The following RARB variants were observed in gnomAD, a reference collection of about 807,000 sequenced individuals.
RARB encodes retinoic acid receptor beta.
In RARB, 17 loss-of-function variants were observed where a neutral mutation model predicts 51.9. The ratio of observed to expected loss-of-function variants is 0.33; its 90% CI spans 0.22 to 0.49. RARB has a LOEUF of 0.49. RARB is among the 20% of genes least tolerant of loss of function. The pLI is 0.99. For synonymous variants in RARB, 215 were observed against 195.4 expected, an observed-to-expected ratio of 1.10 and a Z score of -0.84; for missense variants, 369 against 550.8, an observed-to-expected ratio of 0.67 and a Z score of 3.30.
At chr3:25,210,779 C>G (rs938563862) in intron 5 of RARB, among the ~76,000 whole-genome samples, 2 of 151,906 alleles carry the variant, frequency 1.3e-5, no homozygotes, top group African/African-American at 4.8e-5. Flanking sequence ...AAGTGAATCG[C>G]CCACCTCAGC....
At chr3:25,472,511 T>A (rs1202734122) in intron 2 of RARB, among the ~76,000 whole-genome samples, 1 of 152,214 alleles carries the variant, frequency 6.6e-6, no homozygotes, top group African/African-American at 2.4e-5. Flanking sequence ...AGGTTTTTTT[T>A]ATTTGATCCT....
intron 5 of RARB, among the ~76,000 whole-genome samples, chr3:25,337,056 A>C (rs577420274): frequency 1.2e-4 from 18 of 152,322 alleles, no homozygotes; most frequent in Non-Finnish European, 2.2e-4. Flanking sequence ...AGTAGAGCTA[A>C]ACTCCATTAG....
chr3:25,100,144 A>G (rs1425220829), intron 3 of RARB, among the ~76,000 whole-genome samples: 1 of 152,220 alleles, frequency 6.6e-6, no homozygotes, highest in African/African-American at 2.4e-5. Context: ...TGGCAAAGTG[A>G]TTATCACTTT....
chr3:24,870,468 T>C (rs931647116), intron 2 of RARB, among the ~76,000 whole-genome samples: 10 of 152,260 alleles, frequency 6.6e-5, no homozygotes, highest in African/African-American at 2.4e-4. Context: ...CTCTTAGTTA[T>C]GTTTTATTTT....
At chr3:24,889,281 G>A (rs559816588) in intron 2 of RARB, among the ~76,000 whole-genome samples, 8 of 152,198 alleles carry the variant, frequency 5.3e-5, no homozygotes, top group African/African-American at 1.9e-4. Context: ...TCATCCTGGG[G>A]CAGCTTATTT....
chr3:25,524,100 C>A (rs557890425), intron 3 of RARB, among the ~76,000 whole-genome samples: 1 of 152,130 alleles, frequency 6.6e-6, no homozygotes, highest in Non-Finnish European at 1.5e-5. Flanking sequence ...GTTTAAAAAG[C>A]GCAAGAAATT....
intron 3 of RARB, among the ~76,000 whole-genome samples, chr3:25,130,693 T>C (rs1342968738): frequency 6.6e-6 from 1 of 151,890 alleles, no homozygotes; most frequent in African/African-American, 2.4e-5. Flanking sequence ...GTGTCACTTT[T>C]TATAGTTACT....
At chr3:24,852,029 G>C (rs2125336743) in intron 1 of RARB, among the ~76,000 whole-genome samples, 1 of 152,220 alleles carries the variant, frequency 6.6e-6, no homozygotes, top group African/African-American at 2.4e-5. Context: ...TACGTTTTGT[G>C]GCATTGAATT....
chr3:24,908,573 G>A (rs937634826), intron 2 of RARB, among the ~76,000 whole-genome samples: 2 of 150,750 alleles, frequency 1.3e-5, no homozygotes, highest in Non-Finnish European at 3.0e-5. Context: ...GAGCAGAAAT[G>A]AGGTCAACTT....
intron 2 of RARB, among the ~76,000 whole-genome samples, chr3:24,933,971 CTG>C (rs1559402031): frequency 2.0e-5 from 3 of 152,116 alleles, no homozygotes; most frequent in South Asian, 4.1e-4. Flanking sequence ...AGAATAAAAA[CTG>C]TTTTTTAATA....
intron 5 of RARB, among the ~76,000 whole-genome samples, chr3:25,343,471 G>T: frequency 6.7e-6 from 1 of 148,792 alleles, no homozygotes; most frequent in Non-Finnish European, 1.5e-5. Context: ...TTTTTTACAA[G>T]CAGTATTTCC....
chr3:24,860,614 A>G (rs900359656), intron 2 of RARB, among the ~76,000 whole-genome samples: 3 of 152,000 alleles, frequency 2.0e-5, no homozygotes, highest in Non-Finnish European at 4.4e-5. Context: ...AATTTGAGGC[A>G]TGCTGATTGA....
At chr3:25,288,095 A>G (rs1703699935) in intron 5 of RARB, among the ~76,000 whole-genome samples, 1 of 152,182 alleles carries the variant, frequency 6.6e-6, no homozygotes, top group African/African-American at 2.4e-5. Context: ...TATTAAAAGT[A>G]AGTACCAAAT....
At position 25,115,902 on chromosome 3, in the gene RARB, G is replaced by T. The variant is rs925624797; in HGVS notation, c.-327-16259G>T. Among the ~76,000 whole-genome samples the T allele has an allele frequency of 2.0e-5, 3 of 151,956 alleles. No individual in the cohort carries two copies. In the East Asian group the frequency reaches 5.8e-4, roughly 29 times the overall value. ...TGCCTCAGCCTCCCAAAGTGCTGGG[G>T]TTACAGGCATGAGGCTCCATGCCTG... On this transcript the variant is annotated intron_variant, in intron 3 of 11. Transcript: ENST00000383772.
intron 5 of RARB, among the ~76,000 whole-genome samples, chr3:25,291,781 G>T (rs143457818): frequency 1.3e-5 from 2 of 152,104 alleles, no homozygotes; most frequent in East Asian, 3.9e-4. Context: ...AGCTTGTATG[G>T]CTGTCCACGG....
rs115948323 is a variant in RARB at position 24,832,204 on chromosome 3, C to A, written c.-459+2801C>A. On this transcript the variant is annotated intron_variant, in intron 1 of 11. Transcript: ENST00000383772. ...AGCAAAACATGTGGTTAAGAAGGAT[C>A]AATCAAGCATATGAATGTTTAAAAA... Among the ~76,000 whole-genome samples the A allele has an allele frequency of 9.8e-3, 1,496 of 152,254 alleles. 28 individuals are homozygous for A. Among genetic ancestry groups the A allele is most frequent in the African/African-American group, 0.035 (1,441 of 41,548 alleles).
chr3:24,901,229 C>T (rs1240086963), intron 2 of RARB, among the ~76,000 whole-genome samples: 1 of 152,178 alleles, frequency 6.6e-6, no homozygotes, highest in East Asian at 1.9e-4. Context: ...AAACTGGGAA[C>T]TGCAATTGTC....
At position 25,361,630 on chromosome 3, in the gene RARB, G is replaced by A. The variant is rs1004736251; in HGVS notation, c.179-99563G>A. ...CATCTTCATGGATTTATCTACCTTTGTTCTTTGCTGTTGGTGACCTTCAGT... is the reference window on the plus strand; with the variant it reads ...CATCTTCATGGATTTATCTACCTTTATTCTTTGCTGTTGGTGACCTTCAGT... On this transcript the variant is annotated intron_variant, in intron 5 of 11. Transcript: ENST00000383772. Among the ~76,000 whole-genome samples, 4 of 152,062 alleles carry A rather than the reference G, an allele frequency of 2.6e-5. No individual in the cohort carries two copies. The East Asian group carries it at 5.8e-4, about 22-fold the overall frequency.
At chr3:25,541,193 T>G (rs756123347) in intron 3 of RARB, among the ~76,000 whole-genome samples, 1 of 152,218 alleles carries the variant, frequency 6.6e-6, no homozygotes, top group Non-Finnish European at 1.5e-5. Context: ...TGCTGACCCT[T>G]GCTCTCTATT....
Sources: gnomAD v4.1 joint callset for allele counts (sites outside exome capture counted in the v4.1 genomes callset) on GRCh38, gnomAD v4.1.1 for gene constraint, MANE v1.5 for transcripts, NCBI Gene and HGNC (gene_info 2026-07-23, HGNC 2026-07-21) for gene names.